ACP7: variants seen among roughly 807,000 people sequenced by gnomAD.
ACP7 encodes acid phosphatase 7, tartrate resistant (putative).
In ACP7, 58 loss-of-function variants were observed where a neutral mutation model predicts 60.6. The ratio of observed to expected loss-of-function variants is 0.96; its 90% CI spans 0.77 to 1.19. The LOEUF (loss-of-function observed/expected upper bound fraction) is 1.19. Among genes scored for constraint, ACP7 ranks in the 50% most tolerant of loss-of-function variants. The probability of loss-of-function intolerance (pLI) is 0.00; values close to 1 mark genes in which losing one functional copy is unlikely to be tolerated. For missense variants in ACP7, 574 were observed against 596.2 expected (o/e 0.96, Z 0.39); for synonymous variants, 237 against 232.6 (o/e 1.02, Z -0.17).
intron 11 of ACP7, among the ~76,000 whole-genome samples, chr19:39,103,268 C>T (rs1476675567): frequency 6.6e-6 from 1 of 152,080 alleles, no homozygotes; most frequent in Non-Finnish European, 1.5e-5. Flanking sequence ...TTATTTATGT[C>T]CGTGTGAACT....
intron 11 of ACP7, among the ~76,000 whole-genome samples, chr19:39,102,731 C>CTT (rs753805130): frequency 3.7e-5 from 3 of 80,440 alleles, no homozygotes; most frequent in African/African-American, 1.4e-4. Context: ...TTCTTTCTTT[C>CTT]TTTCTTTCTT....
At chr19:39,090,420 C>A (rs2073190961) in intron 2 of ACP7, among the ~76,000 whole-genome samples, 1 of 151,974 alleles carries the variant, frequency 6.6e-6, no homozygotes, top group Non-Finnish European at 1.5e-5. Context: ...CTGCCTGCCT[C>A]ATCCTCCCAA....
At chr19:39,090,790 C>CTTTTTTTTT (rs35453957) in intron 2 of ACP7, among the ~76,000 whole-genome samples, 1 of 133,480 alleles carries the variant, frequency 7.5e-6, no homozygotes. Flanking sequence ...CTTCCCACTT[C>CTTTTTTTTT]TTTTTTTTTT....
intron 12 of ACP7, among the ~76,000 whole-genome samples, chr19:39,107,479 G>A (rs1279956454): frequency 6.6e-6 from 1 of 151,132 alleles, no homozygotes; most frequent in Non-Finnish European, 1.5e-5. Context: ...AGCTACTCGG[G>A]AGGCTGAGGC....
chr19:39,098,253 C>CAAAAAAAAAAAAAA (rs59373149), intron 2 of ACP7, among the ~76,000 whole-genome samples: 21 of 64,958 alleles, frequency 3.2e-4, no homozygotes, highest in Admixed American at 8.8e-4. Flanking sequence ...GACCCTGACT[C>CAAAAAAAAAAAAAA]AAAAAAAAAA....
chr19:39,109,480 G>A (rs952187418), intron 12 of ACP7, among the ~76,000 whole-genome samples: 3 of 151,912 alleles, frequency 2.0e-5, no homozygotes, highest in Non-Finnish European at 4.4e-5. Context: ...TGAGGCAGGC[G>A]GATCACTTGA....
In ACP7 at chr19:39,102,768, T is replaced by TTTCTTTCTTTCTTTC. The variant is rs202133727; in HGVS notation, c.1113+1231_1113+1232insTTCTTTCTTTCTTTC. On this transcript the variant is annotated intron_variant, in intron 11 of 12. Coordinates refer to ENST00000331256, the MANE Select transcript of ACP7 (RefSeq NM_001004318.3). ...CTTTCTTTCTTTCTTTCTTTCTTTCTCTCTCTCTCTCTTTCTCTCTCTCTC... is the reference window on the plus strand; with the variant it reads ...CTTTCTTTCTTTCTTTCTTTCTTTCTTTCTTTCTTTCTTTCCTCTCTCTCTCTTTCTCTCTCTCTC... 5.3e-5 allele frequency among the ~76,000 whole-genome samples: 3 copies of TTTCTTTCTTTCTTTC among 57,024 alleles called. No individual in the cohort carries two copies. In the East Asian group the frequency reaches 1.6e-3, roughly 31 times the overall value. 37.4% of individuals were successfully genotyped at this position (57,024 alleles called of 152,430 possible).
At chr19:39,109,636 C>T (rs899780679) in intron 12 of ACP7, among the ~76,000 whole-genome samples, 71 of 127,788 alleles carry the variant, frequency 5.6e-4, no homozygotes, top group African/African-American at 1.9e-3. Context: ...ACCTGGGAAG[C>T]GGAGGTTGCC....
intron 2 of ACP7, among the ~76,000 whole-genome samples, chr19:39,094,893 C>T (rs556090778): frequency 6.6e-6 from 1 of 152,272 alleles, no homozygotes; most frequent in African/African-American, 2.4e-5. Context: ...GCACTTCTTA[C>T]ATGGTGGTGG....
chr19:39,086,817 C>T (rs1051663955), intron 2 of ACP7, among the ~76,000 whole-genome samples: 1 of 152,078 alleles, frequency 6.6e-6, no homozygotes, highest in Non-Finnish European at 1.5e-5. Flanking sequence ...ATGTGCATTA[C>T]AGCTAGCAAT....
chr19:39,090,581 C>T (rs2144970912), intron 2 of ACP7, among the ~76,000 whole-genome samples: 1 of 152,138 alleles, frequency 6.6e-6, no homozygotes, highest in African/African-American at 2.4e-5. Flanking sequence ...CTCCCGGGCT[C>T]AAGTGACCCT....
chr19:39,100,666 TG>T (rs1555768798), intron 6 of ACP7, 24 bp downstream of exon 6: 7 of 1,613,298 alleles, frequency 4.3e-6, no homozygotes, highest in Non-Finnish European at 5.1e-6. Flanking sequence ...GCTGGGGGAC[TG>T]GCCCTCTCCC....
Position 39,085,263 on chromosome 19 carries a change from C to G in ACP7, c.-7C>G. 1 of 1,610,910 alleles carries G rather than the reference C, an allele frequency of 6.2e-7. No individual in the cohort carries two copies. On this transcript the variant is annotated 5_prime_UTR_variant, in exon 2 of 13. Transcript: ENST00000331256. Reference sequence around the variant, plus strand: ...TTTCCCCGGTCTGCCATCACCACCCCACCACCATGCACCCCCTTCCTGGCT... The same window carrying G: ...TTTCCCCGGTCTGCCATCACCACCCGACCACCATGCACCCCCTTCCTGGCT...
At chr19:39,089,036 T>A (rs1379827459) in intron 2 of ACP7, among the ~76,000 whole-genome samples, 3 of 152,060 alleles carry the variant, frequency 2.0e-5, no homozygotes, top group Non-Finnish European at 4.4e-5. Context: ...TTCAAGCGAT[T>A]CTCCTGCCTC....
chr19:39,110,092 C>A lies in ACP7; in HGVS notation c.1291C>A (p.Leu431Met). 3 of 1,613,936 alleles carry A rather than the reference C, an allele frequency of 1.9e-6. No homozygotes were observed. Among genetic ancestry groups the A allele is most frequent in the Non-Finnish European group, 2.5e-6 (3 of 1,179,826 alleles). ...AGATGATGTCTGGGTGGTGAGACCC[C>A]TGTTTGGCCGGAGGATGTACCTCTA... The part of the protein sequence containing the change: ...IVDDVWVVRP[L>M]FGRRMYL Residue 431 changes from leucine (L) to methionine (M), a missense_variant, in exon 13 of 13, where the codon CTG (leucine) becomes ATG (methionine). Coordinates refer to ENST00000331256, the MANE Select transcript of ACP7 (RefSeq NM_001004318.3).
chr19:39,106,900 G>A (rs1380379334), intron 11 of ACP7, 47 bp from the exon 12 acceptor site: 10 of 1,606,432 alleles, frequency 6.2e-6, no homozygotes, highest in Middle Eastern at 1.7e-4. Flanking sequence ...CTGCTTCCCC[G>A]CGGGTCCTCC....
At chr19:39,094,524 T>C (rs1260810045) in intron 2 of ACP7, among the ~76,000 whole-genome samples, 2 of 149,646 alleles carry the variant, frequency 1.3e-5, no homozygotes, top group Non-Finnish European at 1.5e-5. Flanking sequence ...AAAAGATGTG[T>C]TCTAGAAGTC....
intron 2 of ACP7, among the ~76,000 whole-genome samples, chr19:39,092,455 C>T (rs1351666483): frequency 6.6e-6 from 1 of 151,992 alleles, no homozygotes; most frequent in Non-Finnish European, 1.5e-5. Context: ...AGGTGACAGC[C>T]TTTATGCACA....
In ACP7 at chr19:39,104,445, G is replaced by C. The variant is rs551657608; in HGVS notation, c.1114-2502G>C. On this transcript the variant is annotated intron_variant, in intron 11 of 12. Coordinates refer to ENST00000331256, the MANE Select transcript of ACP7 (RefSeq NM_001004318.3). ...ACAAAATACCAGAATCCCTGGCATT[G>C]ATCTCCCAGAGTAGCTGCCACACGG... is the stretch of plus-strand genomic sequence containing the variant. Among the ~76,000 whole-genome samples the C allele has an allele frequency of 3.9e-5, 6 of 152,306 alleles. No homozygotes were observed. In the South Asian group the frequency reaches 6.2e-4, roughly 16 times the overall value.
Sources: gnomAD v4.1 joint callset for allele counts (sites outside exome capture counted in the v4.1 genomes callset) on GRCh38, gnomAD v4.1.1 for gene constraint, MANE v1.5 for transcripts, NCBI Gene and HGNC (gene_info 2026-07-23, HGNC 2026-07-21) for gene names.